VPS13B: variants seen among roughly 807,000 people sequenced by gnomAD.
The protein encoded by VPS13B is vacuolar protein sorting 13 homolog B, also known as intermembrane lipid transfer protein VPS13B.
VPS13B carries 285 observed loss-of-function variants against 426.4 expected under a neutral mutation model. That is an observed-to-expected ratio of 0.67 (90% confidence interval 0.61 to 0.74). The LOEUF (loss-of-function observed/expected upper bound fraction) is 0.74, where lower values mean the gene tolerates loss of function less well. VPS13B is among the 30% of genes least tolerant of loss of function. The pLI, the probability that VPS13B is intolerant of heterozygous loss-of-function variation, is 0.00. For missense variants in VPS13B, 4,537 were observed against 4,782.6 expected (o/e 0.95, Z 1.51); for synonymous variants, 1,676 against 1,676.4 (o/e 1.00, Z 0.01).
At position 99,106,432 on chromosome 8, in the gene VPS13B, C is replaced by T. The variant is rs561031569; in HGVS notation, c.580+3312C>T. Among the ~76,000 whole-genome samples the T allele has an allele frequency of 8.3e-3, 466 of 55,990 alleles. 2 individuals carry two copies. The highest frequency in any genetic ancestry group is 0.012 in the Non-Finnish European group (358 of 30,302). 36.7% of individuals were successfully genotyped at this position (55,990 alleles called of 152,430 possible). On this transcript the variant is annotated intron_variant, in intron 5 of 61. Transcript: ENST00000357162. The stretch of plus-strand genomic sequence containing the variant: ...CCTTGGCGATAGAGTGAGACTCCAC[C>T]TCAAAAAAAAAAAAAAAAAAAACCC...
chr8:99,089,492 T>C (rs1846028701), intron 3 of VPS13B, among the ~76,000 whole-genome samples: 1 of 152,104 alleles, frequency 6.6e-6, no homozygotes, highest in Non-Finnish European at 1.5e-5. Context: ...ATATATCAAA[T>C]GTACATTGGT....
At position 99,797,163 on chromosome 8, in the gene VPS13B, A is replaced by G. The variant is rs75475411; in HGVS notation, c.7942-12212A>G. The stretch of plus-strand genomic sequence containing the variant: ...GAAAGGGAAGAAAAAGAGGGCTTTG[A>G]ATAAGGTATTGTTTCCACAATATTT... On this transcript the variant is annotated intron_variant, in intron 43 of 61. Coordinates refer to ENST00000357162, the MANE Select transcript of VPS13B (RefSeq NM_152564.5). The G allele has an allele frequency of 2.6e-5, 4 of 152,340 alleles. No homozygotes were observed. In the East Asian group the frequency reaches 7.7e-4, roughly 29 times the overall value. 9.4% of individuals were successfully genotyped at this position (152,340 alleles called of 1,614,324 possible).
intron 17 of VPS13B, among the ~76,000 whole-genome samples, chr8:99,239,546 CTG>C (rs1816810348): frequency 6.6e-6 from 1 of 152,072 alleles, no homozygotes; most frequent in African/African-American, 2.4e-5. Context: ...TTCTAGTAAA[CTG>C]TTTGGTTTTT....
chr8:99,794,130 C>G (rs772072647), intron 43 of VPS13B, among the ~76,000 whole-genome samples: 2 of 152,160 alleles, frequency 1.3e-5, no homozygotes, highest in Admixed American at 6.6e-5. Flanking sequence ...GAACTTGGCT[C>G]TCTATAACCA....
intron 21 of VPS13B, among the ~76,000 whole-genome samples, chr8:99,415,235 G>T (rs541060210): frequency 1.5e-4 from 23 of 151,500 alleles, no homozygotes; most frequent in South Asian, 8.4e-4. Context: ...CAAAGTTCTC[G>T]TGCTGTGTTT....
chr8:99,654,387 T>G (rs1459286661), intron 34 of VPS13B, among the ~76,000 whole-genome samples: 1 of 152,184 alleles, frequency 6.6e-6, no homozygotes, highest in Non-Finnish European at 1.5e-5. Flanking sequence ...TCTAGATTCC[T>G]TCACAATTTA....
At chr8:99,139,658 C>T (rs1295132810) in intron 12 of VPS13B, among the ~76,000 whole-genome samples, 1 of 151,856 alleles carries the variant, frequency 6.6e-6, no homozygotes, top group Non-Finnish European at 1.5e-5. Flanking sequence ...AGGATGGTCT[C>T]GATCTCCTGA....
chr8:99,268,971 A>G (rs552795656), intron 17 of VPS13B, among the ~76,000 whole-genome samples: 1 of 151,836 alleles, frequency 6.6e-6, no homozygotes, highest in Non-Finnish European at 1.5e-5. Context: ...TTCTTAGGAG[A>G]TCTGATGGTG....
At chr8:99,236,479 G>A (rs189164353) in intron 17 of VPS13B, among the ~76,000 whole-genome samples, 1 of 152,194 alleles carries the variant, frequency 6.6e-6, no homozygotes, top group Admixed American at 6.5e-5. Flanking sequence ...TGAACTCCTG[G>A]CCTCAAGTGA....
intron 19 of VPS13B, among the ~76,000 whole-genome samples, chr8:99,315,873 T>A (rs1809624429): frequency 6.6e-6 from 1 of 152,178 alleles, no homozygotes; most frequent in African/African-American, 2.4e-5. Flanking sequence ...TTCTTTGCCT[T>A]TTGTATGTGT....
intron 22 of VPS13B, among the ~76,000 whole-genome samples, chr8:99,434,279 A>G (rs1395541729): frequency 6.6e-6 from 1 of 152,208 alleles, no homozygotes; most frequent in South Asian, 2.1e-4. Context: ...AGATGTGAGG[A>G]AATTGTCTCT....
intron 17 of VPS13B, among the ~76,000 whole-genome samples, chr8:99,213,732 T>C (rs1815234182): frequency 6.6e-6 from 1 of 152,190 alleles, no homozygotes; most frequent in Non-Finnish European, 1.5e-5. Flanking sequence ...TGTGTTGCCT[T>C]GACTGTGGGC....
intron 16 of VPS13B, among the ~76,000 whole-genome samples, chr8:99,176,938 G>A (rs1812665146): frequency 6.6e-6 from 1 of 152,166 alleles, no homozygotes; most frequent in Admixed American, 6.5e-5. Context: ...AACAGGAGAA[G>A]TACTTTCTGC....
At chr8:99,239,031 A>G (rs1228427347) in intron 17 of VPS13B, among the ~76,000 whole-genome samples, 2 of 152,170 alleles carry the variant, frequency 1.3e-5, no homozygotes, top group Non-Finnish European at 2.9e-5. Flanking sequence ...TTGTGCTAAA[A>G]TGCAGGTTCT....
chr8:99,300,280 CT>C (rs373424758), intron 19 of VPS13B, among the ~76,000 whole-genome samples: 31 of 152,240 alleles, frequency 2.0e-4, no homozygotes, highest in African/African-American at 7.5e-4. Context: ...CTGCTTTTTG[CT>C]ATGTTAATAG....
intron 3 of VPS13B, among the ~76,000 whole-genome samples, chr8:99,050,754 T>A (rs1189363446): frequency 1.3e-5 from 2 of 152,208 alleles, no homozygotes; most frequent in African/African-American, 2.4e-5. Context: ...TATCTCACTG[T>A]GGTTTTGATT....
chr8:99,769,042 A>T (rs1280734350), intron 40 of VPS13B, among the ~76,000 whole-genome samples: 2 of 152,346 alleles, frequency 1.3e-5, no homozygotes, highest in Admixed American at 6.5e-5. Flanking sequence ...TATAAAAATT[A>T]CTTTTGTGGT....
chr8:99,349,332 CAAA>C (rs35441676), intron 19 of VPS13B, among the ~76,000 whole-genome samples: 23 of 47,744 alleles, frequency 4.8e-4, no homozygotes, highest in African/African-American at 1.7e-3. Context: ...GACTCCGTCT[CAAA>C]AAAAAAAAAA....
intron 21 of VPS13B, among the ~76,000 whole-genome samples, chr8:99,422,111 C>T (rs1185335596): frequency 1.3e-5 from 2 of 152,096 alleles, no homozygotes; most frequent in East Asian, 3.8e-4. Flanking sequence ...ACCTGTCTTG[C>T]CTTTCCCTAG....
Sources: allele counts gnomAD v4.1 joint callset (sites outside exome capture counted in the v4.1 genomes callset), GRCh38; gene constraint gnomAD v4.1.1; transcripts MANE v1.5; gene names NCBI Gene and HGNC (gene_info 2026-07-23, HGNC 2026-07-21).